Variants in GNB1 observed in about 807,000 individuals in gnomAD.
GNB1 encodes the protein guanine nucleotide-binding protein G(I)/G(S)/G(T) subunit beta-1.
GNB1 carries 2 observed loss-of-function variants against 42.9 expected under a neutral mutation model. The ratio of observed to expected loss-of-function variants is 0.05; its 90% CI spans 0.02 to 0.15. The LOEUF (loss-of-function observed/expected upper bound fraction) is 0.15, where lower values mean the gene tolerates loss of function less well. GNB1 is among the 10% of genes least tolerant of loss of function. The pLI is 1.00. For missense variants in GNB1, 193 were observed against 462.2 expected (o/e 0.42, Z 5.34); for synonymous variants, 183 against 174.7 (o/e 1.05, Z -0.38).
chr1:1,812,882 C>T (rs574996592), intron 5 of GNB1, among the ~76,000 whole-genome samples: 219 of 132,972 alleles, frequency 1.6e-3, no homozygotes, highest in African/African-American at 5.8e-3. Flanking sequence ...TCTCTTCGGT[C>T]CCTGAACACA....
At chr1:1,857,136 T>A (rs561072825) in intron 1 of GNB1, among the ~76,000 whole-genome samples, 1 of 152,324 alleles carries the variant, frequency 6.6e-6, no homozygotes, top group African/African-American at 2.4e-5. Context: ...AATGGAAAAT[T>A]AAAACTACTC....
At position 1,785,876 on chromosome 1, in the gene GNB1, A is replaced by C; in HGVS notation, c.*1187T>G. 2.5e-6 allele frequency: 1 copy of C among 397,628 alleles called. No individual in the cohort carries two copies. The highest frequency in any genetic ancestry group is 4.4e-6 in the Non-Finnish European group (1 of 225,606). The allele number at this position is 397,628 out of a possible 1,614,324, so 24.6% of individuals were successfully genotyped here. A position where few individuals can be genotyped will look rare whatever the true frequency, so the allele number is the denominator to read the frequency against. ...CCAAGCGTGTAGAGCCGCGCGCTGT[A>C]CTGCTTCCGATATGTGCCACAGAGC... On this transcript the variant is annotated 3_prime_UTR_variant, in exon 12 of 12. Coordinates refer to ENST00000378609, the MANE Select transcript of GNB1 (RefSeq NM_002074.5).
chr1:1,789,737 C>T (rs1165821671), intron 9 of GNB1, among the ~76,000 whole-genome samples: 2 of 136,294 alleles, frequency 1.5e-5, no homozygotes, highest in African/African-American at 5.5e-5. Flanking sequence ...GGAGGAACTA[C>T]AGGGGACTGG....
intron 1 of GNB1, among the ~76,000 whole-genome samples, chr1:1,886,050 G>A (rs1356075508): frequency 7.3e-5 from 11 of 151,398 alleles, no homozygotes; most frequent in Non-Finnish European, 1.0e-4. Flanking sequence ...GGTGGCTCAC[G>A]CCTGTAATCC....
intron 3 of GNB1, among the ~76,000 whole-genome samples, chr1:1,820,476 GAC>G (rs773143586): frequency 6.7e-6 from 1 of 148,556 alleles, no homozygotes; most frequent in African/African-American, 2.5e-5. Context: ...TTATAATTAA[GAC>G]ACACACAAAA....
chr1:1,855,762 A>G (rs1226266957), intron 1 of GNB1, among the ~76,000 whole-genome samples: 3 of 152,190 alleles, frequency 2.0e-5, no homozygotes, highest in African/African-American at 7.2e-5. Flanking sequence ...ACTGTTTTCC[A>G]GTGAGGAAAG....
chr1:1,883,911 T>A lies in GNB1; in HGVS notation c.-96+6909A>T, dbSNP rs78916993. 8.2e-3 allele frequency among the ~76,000 whole-genome samples: 1,249 copies of A among 152,194 alleles called. 20 individuals are homozygous for A. The highest frequency in any genetic ancestry group is 0.029 in the African/African-American group (1,212 of 41,532). On this transcript the variant is annotated intron_variant, in intron 1 of 11. Coordinates refer to ENST00000378609, the MANE Select transcript of GNB1 (RefSeq NM_002074.5). ...ATTTTAAAATTCCTATGAGAAATTTTCTGAAACCTATTGTAGACTCTTTTG... is the reference window on the plus strand; with the variant it reads ...ATTTTAAAATTCCTATGAGAAATTTACTGAAACCTATTGTAGACTCTTTTG...
At chr1:1,854,113 T>C (rs1034488707) in intron 1 of GNB1, among the ~76,000 whole-genome samples, 7 of 152,210 alleles carry the variant, frequency 4.6e-5, no homozygotes, top group South Asian at 2.1e-4. Flanking sequence ...GAGGAAGGCA[T>C]TAAGCGAACA....
intron 4 of GNB1, 50 bp from the exon 5 acceptor site, chr1:1,815,912 C>A: frequency 9.1e-7 from 1 of 1,093,520 alleles, no homozygotes; most frequent in Non-Finnish European, 1.4e-6. Context: ...TTAAACGATT[C>A]TCCTCATCAC....
intron 1 of GNB1, among the ~76,000 whole-genome samples, chr1:1,890,137 C>T (rs926568955): frequency 1.3e-5 from 2 of 152,034 alleles, no homozygotes; most frequent in African/African-American, 4.8e-5. Context: ...GCGCCAGCGC[C>T]GGACAGACCC....
At chr1:1,890,009 C>T (rs2101982739) in intron 1 of GNB1, among the ~76,000 whole-genome samples, 1 of 152,250 alleles carries the variant, frequency 6.6e-6, no homozygotes, top group Middle Eastern at 3.4e-3. Flanking sequence ...AAACTCGGCG[C>T]GGCGGCGGCC....
rs531082180 is a variant in GNB1, at chr1:1,805,510, C to T, written c.268-929G>A. Among the ~76,000 whole-genome samples, 4 of 152,208 alleles carry T rather than the reference C, an allele frequency of 2.6e-5. No homozygotes were observed. In the South Asian group the frequency reaches 8.3e-4, roughly 32 times the overall value. ...TATTGGAAGGAAAACACTGCATTATCCTGTCAAATGGCTATGAACTCATCT... is the reference window on the plus strand; with the variant it reads ...TATTGGAAGGAAAACACTGCATTATTCTGTCAAATGGCTATGAACTCATCT... On this transcript the variant is annotated intron_variant, in intron 6 of 11. Transcript: ENST00000378609.
chr1:1,792,852 G>A (rs1268569415), intron 8 of GNB1, among the ~76,000 whole-genome samples: 1 of 152,094 alleles, frequency 6.6e-6, no homozygotes, highest in Admixed American at 6.6e-5. Context: ...GGTCACCTGA[G>A]GTCAGGAGTT....
At chr1:1,827,413 TG>T (rs1434945783) in intron 2 of GNB1, among the ~76,000 whole-genome samples, 1 of 152,204 alleles carries the variant, frequency 6.6e-6, no homozygotes, top group Non-Finnish European at 1.5e-5. Context: ...TTGAAACGGA[TG>T]TTTTAATCAT....
In GNB1 at chr1:1,798,786, T is replaced by C. The variant is rs189803077; in HGVS notation, c.431-5475A>G. Among the ~76,000 whole-genome samples the C allele has an allele frequency of 3.1e-3, 478 of 152,294 alleles. 1 individual carries two copies. Among genetic ancestry groups the C allele is most frequent in the Admixed American group, 6.8e-3 (104 of 15,294 alleles). Reference sequence around the variant, plus strand: ...GGAGCGATCTCAGCTCACTGCAACCTTGCCTGCTGGGTTCAAGTGATTCTC... The same window carrying C: ...GGAGCGATCTCAGCTCACTGCAACCCTGCCTGCTGGGTTCAAGTGATTCTC... On this transcript the variant is annotated intron_variant, in intron 7 of 11. Coordinates refer to ENST00000378609, the MANE Select transcript of GNB1 (RefSeq NM_002074.5).
At chr1:1,881,864 A>C (rs1027491874) in intron 1 of GNB1, among the ~76,000 whole-genome samples, 16 of 152,168 alleles carry the variant, frequency 1.1e-4, no homozygotes, top group African/African-American at 3.6e-4. Context: ...TGCTGGAGAC[A>C]GTGAAGGAGA....
chr1:1,882,602 TGGGAG>T (rs1649913201), intron 1 of GNB1, among the ~76,000 whole-genome samples: 1 of 151,600 alleles, frequency 6.6e-6, no homozygotes, highest in South Asian at 2.1e-4. Flanking sequence ...GCTTCATAAA[TGGGAG>T]GAGGAGAATT....
intron 7 of GNB1, among the ~76,000 whole-genome samples, chr1:1,794,415 G>T (rs1646520499): frequency 6.6e-6 from 1 of 152,094 alleles, no homozygotes; most frequent in Non-Finnish European, 1.5e-5. Flanking sequence ...AAAGCATAGG[G>T]TCAACAAACC....
At chr1:1,805,547 AT>A (rs1273208404) in intron 6 of GNB1, among the ~76,000 whole-genome samples, 1 of 151,378 alleles carries the variant, frequency 6.6e-6, no homozygotes, top group Non-Finnish European at 1.5e-5. Context: ...AAAACAAAAA[AT>A]TTTTTTTTCG....
Sources: allele counts gnomAD v4.1 joint callset (sites outside exome capture counted in the v4.1 genomes callset), GRCh38; gene constraint gnomAD v4.1.1; transcripts MANE v1.5; gene names NCBI Gene and HGNC (gene_info 2026-07-23, HGNC 2026-07-21).